EHD4: variants seen among roughly 807,000 people sequenced by gnomAD.
The protein encoded by EHD4 is EH domain-containing protein 4.
Under a neutral mutation model 51.0 loss-of-function variants are expected in EHD4, and 37 were observed. The ratio of observed to expected loss-of-function variants is 0.73; its 90% CI spans 0.56 to 0.95. The LOEUF (loss-of-function observed/expected upper bound fraction) is 0.95. Ranked by LOEUF, EHD4 falls within the 40% of genes least tolerant of loss-of-function variation. EHD4 has a pLI of 0.00. For missense variants in EHD4, 632 were observed against 733.1 expected, an observed-to-expected ratio of 0.86 and a Z score of 1.59; for synonymous variants, 297 against 317.3, an observed-to-expected ratio of 0.94 and a Z score of 0.68.
At chr15:41,958,869 T>C (rs906497743) in intron 1 of EHD4, among the ~76,000 whole-genome samples, 2 of 152,298 alleles carry the variant, frequency 1.3e-5, no homozygotes, top group Non-Finnish European at 2.9e-5. Flanking sequence ...AAGGCTCAAA[T>C]GGGTTAAGCG....
At chr15:41,902,162 G>A (rs2067481788) in intron 5 of EHD4, among the ~76,000 whole-genome samples, 1 of 152,074 alleles carries the variant, frequency 6.6e-6, no homozygotes, top group Admixed American at 6.6e-5. Context: ...ACCAGGCTGG[G>A]GCAGACTACA....
At chr15:41,965,724 A>C (rs1458875046) in intron 1 of EHD4, among the ~76,000 whole-genome samples, 2 of 152,204 alleles carry the variant, frequency 1.3e-5, no homozygotes, top group African/African-American at 4.8e-5. Context: ...CGAGGTTTTG[A>C]AAAGGACATT....
intron 1 of EHD4, among the ~76,000 whole-genome samples, chr15:41,971,284 C>T (rs1393942622): frequency 2.0e-5 from 3 of 152,208 alleles, no homozygotes; most frequent in Non-Finnish European, 2.9e-5. Context: ...GAGATTGTTA[C>T]AATTTCCAAA....
At chr15:41,942,975 G>A (rs11631075) in intron 3 of EHD4, 92 bp downstream of exon 3, 639,999 of 1,238,030 alleles carry the variant, frequency 0.52, 170,833 homozygotes, top group East Asian at 0.6. Flanking sequence ...CCTGGAGGAC[G>A]GATAGAATAA....
At chr15:41,971,912 C>T (rs2067998569) in intron 1 of EHD4, among the ~76,000 whole-genome samples, 1 of 152,282 alleles carries the variant, frequency 6.6e-6, no homozygotes, top group South Asian at 2.1e-4. Flanking sequence ...CCCCCCATTT[C>T]CATCCCTAGG....
rs186693390 is a variant in EHD4 at position 41,925,271 on chromosome 15, A to G, written c.512-5649T>C. On this transcript the variant is annotated intron_variant, in intron 3 of 5. Transcript: ENST00000220325. ...CCTAAGCTGGCTGTATATGGAGGTG[A>G]ACGAAGCTATAGTAGAAGCCTTAAG... 4.4e-3 allele frequency among the ~76,000 whole-genome samples: 666 copies of G among 152,302 alleles called. 5 individuals are homozygous for G. Among genetic ancestry groups the G allele is most frequent in the African/African-American group, 0.015 (634 of 41,552 alleles).
At chr15:41,906,128 T>C (rs1248047771) in intron 5 of EHD4, among the ~76,000 whole-genome samples, 1 of 152,208 alleles carries the variant, frequency 6.6e-6, no homozygotes, top group Non-Finnish European at 1.5e-5. Flanking sequence ...AAGCTACAAG[T>C]CAAATCCATG....
chr15:41,963,407 T>C (rs947252806), intron 1 of EHD4, among the ~76,000 whole-genome samples: 1 of 151,874 alleles, frequency 6.6e-6, no homozygotes, highest in Non-Finnish European at 1.5e-5. Flanking sequence ...GAGACCAGCC[T>C]GGTTAACATG....
intron 1 of EHD4, among the ~76,000 whole-genome samples, chr15:41,964,933 G>A (rs554097545): frequency 5.3e-5 from 8 of 151,844 alleles, no homozygotes; most frequent in Non-Finnish European, 1.0e-4. Flanking sequence ...CACCATGTCC[G>A]GCTAATTTTT....
At chr15:41,907,349 T>C (rs2067519486) in intron 5 of EHD4, among the ~76,000 whole-genome samples, 1 of 152,192 alleles carries the variant, frequency 6.6e-6, no homozygotes, top group African/African-American at 2.4e-5. Context: ...GGTCATGGGA[T>C]ACAGGGCATA....
intron 3 of EHD4, 38 bp downstream of exon 3, chr15:41,943,029 C>T: frequency 6.6e-7 from 1 of 1,505,984 alleles, no homozygotes; most frequent in East Asian, 2.4e-5. Context: ...AGGGCCTCAG[C>T]CAGCACTTGG....
At chr15:41,904,019 C>T (rs367755106) in intron 5 of EHD4, among the ~76,000 whole-genome samples, 13 of 152,082 alleles carry the variant, frequency 8.5e-5, no homozygotes, top group African/African-American at 1.4e-4. Flanking sequence ...GAAAAGAGAA[C>T]GCTAAGCAGG....
At chr15:41,950,030 G>A (rs928253865) in intron 2 of EHD4, among the ~76,000 whole-genome samples, 7 of 152,238 alleles carry the variant, frequency 4.6e-5, no homozygotes, top group African/African-American at 1.4e-4. Flanking sequence ...GGAATTCGTC[G>A]TGAGCACAGC....
At chr15:41,915,765 A>C (rs2067579407) in intron 4 of EHD4, among the ~76,000 whole-genome samples, 1 of 152,228 alleles carries the variant, frequency 6.6e-6, no homozygotes, top group Admixed American at 6.5e-5. Context: ...TCATGAAATG[A>C]ACCCTGATTG....
At chr15:41,953,983 A>C in intron 1 of EHD4, 43 bp from the exon 2 acceptor site, 1 of 1,596,184 alleles carries the variant, frequency 6.3e-7, no homozygotes, top group Non-Finnish European at 8.5e-7. Flanking sequence ...ATCTTATCAC[A>C]AAGTAAGAGG....
chr15:41,924,518 G>A (rs1346134597), intron 3 of EHD4, among the ~76,000 whole-genome samples: 1 of 152,184 alleles, frequency 6.6e-6, no homozygotes, highest in Non-Finnish European at 1.5e-5. Context: ...CACCTAGAAA[G>A]CTGTCCAAAA....
At chr15:41,942,417 G>GT (rs35380074) in intron 3 of EHD4, 83,084 of 151,764 alleles carry the variant, frequency 0.55, 23,722 homozygotes, top group African/African-American at 0.72. Context: ...GCTAATTTTT[G>GT]TATTTTTAGT....
intron 1 of EHD4, among the ~76,000 whole-genome samples, chr15:41,970,489 A>G (rs2067988514): frequency 6.6e-6 from 1 of 152,272 alleles, no homozygotes; most frequent in Admixed American, 6.5e-5. Context: ...CAAATAATGA[A>G]ACAGAGAGAA....
At chr15:41,951,620 CA>C (rs2067853038) in intron 2 of EHD4, among the ~76,000 whole-genome samples, 1 of 152,106 alleles carries the variant, frequency 6.6e-6, no homozygotes, top group South Asian at 2.1e-4. Flanking sequence ...CTTTGTTGGG[CA>C]AAAAGAGCCC....
Sources: gnomAD v4.1 joint callset for allele counts (sites outside exome capture counted in the v4.1 genomes callset) on GRCh38, gnomAD v4.1.1 for gene constraint, MANE v1.5 for transcripts, NCBI Gene and HGNC (gene_info 2026-07-23, HGNC 2026-07-21) for gene names.